DACH1: variants seen among roughly 807,000 people sequenced by gnomAD.
DACH1 encodes dachshund homolog 1.
In DACH1, 12 loss-of-function variants were observed where a neutral mutation model predicts 54.2. That is an observed-to-expected ratio of 0.22 (90% confidence interval 0.14 to 0.36). The LOEUF is 0.36. Among genes scored for constraint, DACH1 ranks in the 10% least tolerant of loss-of-function variants. The pLI, the probability that DACH1 is intolerant of heterozygous loss-of-function variation, is 1.00. For missense variants in DACH1, 805 were observed against 929.8 expected (o/e 0.87, Z 1.75); for synonymous variants, 386 against 366.2 (o/e 1.05, Z -0.62).
At chr13:71,804,534 T>C (rs530103520) in intron 1 of DACH1, among the ~76,000 whole-genome samples, 14 of 152,312 alleles carry the variant, frequency 9.2e-5, no homozygotes, top group African/African-American at 2.6e-4. Flanking sequence ...ACTTCTTTGC[T>C]TACCGTATTT....
chr13:71,617,291 G>A, intron 3 of DACH1, among the ~76,000 whole-genome samples: 1 of 152,120 alleles, frequency 6.6e-6, no homozygotes, highest in Non-Finnish European at 1.5e-5. Context: ...ACTGTCTACT[G>A]TATTACCTGT....
intron 1 of DACH1, among the ~76,000 whole-genome samples, chr13:71,713,904 A>T (rs1346989719): frequency 2.0e-5 from 3 of 152,064 alleles, no homozygotes; most frequent in Non-Finnish European, 4.4e-5. Flanking sequence ...GGTAGTTCAG[A>T]TTCAGCCTTT....
intron 1 of DACH1, among the ~76,000 whole-genome samples, chr13:71,822,096 C>A (rs529094603): frequency 2.6e-4 from 39 of 151,994 alleles, no homozygotes; most frequent in African/African-American, 8.7e-4. Context: ...CTGAAACCAG[C>A]AAAATTATAT....
At chr13:71,481,769 A>G (rs191850689) in intron 7 of DACH1, among the ~76,000 whole-genome samples, 3 of 152,320 alleles carry the variant, frequency 2.0e-5, no homozygotes, top group Admixed American at 6.5e-5. Context: ...TCAGTGCAGC[A>G]GGGGGCTGGG....
chr13:71,629,215 C>A (rs1236490888), intron 3 of DACH1, among the ~76,000 whole-genome samples: 1 of 152,088 alleles, frequency 6.6e-6, no homozygotes, highest in Non-Finnish European at 1.5e-5. Flanking sequence ...AAACAATCCT[C>A]ATCCCTCCCT....
chr13:71,844,004 C>T (rs985414006), intron 1 of DACH1, among the ~76,000 whole-genome samples: 3 of 152,104 alleles, frequency 2.0e-5, no homozygotes, highest in South Asian at 2.1e-4. Context: ...AGGACAAAGC[C>T]AGCCCATTAA....
intron 1 of DACH1, among the ~76,000 whole-genome samples, chr13:71,810,445 T>C (rs999358885): frequency 8.5e-5 from 13 of 152,146 alleles, no homozygotes; most frequent in African/African-American, 3.1e-4. Context: ...CTACAACAAA[T>C]CACTAGATTA....
chr13:71,687,417 A>G (rs1453867100), intron 1 of DACH1, among the ~76,000 whole-genome samples: 1 of 152,156 alleles, frequency 6.6e-6, no homozygotes, highest in African/African-American at 2.4e-5. Context: ...ACCTGCAGAT[A>G]TGGGCGTATC....
At chr13:71,664,340 C>T (rs1363094198) in intron 2 of DACH1, among the ~76,000 whole-genome samples, 1 of 151,890 alleles carries the variant, frequency 6.6e-6, no homozygotes, top group Non-Finnish European at 1.5e-5. Context: ...CAAGACTAAA[C>T]TTTTTGTGAA....
intron 2 of DACH1, among the ~76,000 whole-genome samples, chr13:71,647,985 A>G (rs551466747): frequency 6.6e-6 from 1 of 152,256 alleles, no homozygotes; most frequent in Non-Finnish European, 1.5e-5. Flanking sequence ...GTCCTTGTAC[A>G]GAAAAGTTTC....
At chr13:71,558,703 G>A (rs1237533288) in intron 5 of DACH1, among the ~76,000 whole-genome samples, 3 of 151,886 alleles carry the variant, frequency 2.0e-5, no homozygotes, top group Admixed American at 6.6e-5. Flanking sequence ...AAGGAAATAC[G>A]TTTCCGGCAG....
intron 1 of DACH1, among the ~76,000 whole-genome samples, chr13:71,732,447 T>C (rs1235066495): frequency 6.6e-6 from 1 of 151,768 alleles, no homozygotes; most frequent in Non-Finnish European, 1.5e-5. Flanking sequence ...TAGCTGGGTG[T>C]GGTGGTCGGT....
At chr13:71,838,009 A>C (rs187164455) in intron 1 of DACH1, among the ~76,000 whole-genome samples, 1 of 42,038 alleles carries the variant, frequency 2.4e-5, no homozygotes, top group Non-Finnish European at 4.2e-5. Flanking sequence ...TGTGGTGGGG[A>C]GGGGGGAGGG....
intron 1 of DACH1, among the ~76,000 whole-genome samples, chr13:71,709,180 A>G (rs572555515): frequency 2.6e-5 from 4 of 152,070 alleles, no homozygotes; most frequent in Admixed American, 2.6e-4. Flanking sequence ...TAACTTCTTC[A>G]TAGCCAAACT....
intron 10 of DACH1, among the ~76,000 whole-genome samples, chr13:71,470,391 C>T (rs1277761537): frequency 6.6e-6 from 1 of 151,578 alleles, no homozygotes; most frequent in Non-Finnish European, 1.5e-5. Flanking sequence ...TCACTGCAAC[C>T]TCTGCCTCAA....
rs772099803 is a variant in DACH1 at position 71,866,293 on chromosome 13, A to ACTGCTG, written c.471_476dup (p.Ser162_Ser163dup). On this transcript the variant is annotated inframe_insertion, in exon 1 of 11. Transcript: ENST00000613252. ...GGAGGGGGCCGCAGCTGCTGCTGCT[A>ACTGCTG]CTGCTGCTGCTGCTACTACTGCTGC... 1 of 1,565,616 alleles carries ACTGCTG rather than the reference A, an allele frequency of 6.4e-7. No individual in the cohort carries two copies. Among genetic ancestry groups the ACTGCTG allele is most frequent in the Non-Finnish European group, 8.7e-7 (1 of 1,154,848 alleles).
At chr13:71,760,985 T>G (rs1885379340) in intron 1 of DACH1, among the ~76,000 whole-genome samples, 1 of 152,144 alleles carries the variant, frequency 6.6e-6, no homozygotes, top group Non-Finnish European at 1.5e-5. Flanking sequence ...ATCACCAATG[T>G]TATCTTAAAT....
At chr13:71,834,173 AG>A (rs1888691889) in intron 1 of DACH1, among the ~76,000 whole-genome samples, 1 of 152,100 alleles carries the variant, frequency 6.6e-6, no homozygotes. Flanking sequence ...AAGTTACTTC[AG>A]CAGTCAGTGC....
intron 3 of DACH1, among the ~76,000 whole-genome samples, chr13:71,594,971 G>T (rs1025929634): frequency 6.6e-6 from 1 of 152,086 alleles, no homozygotes; most frequent in Non-Finnish European, 1.5e-5. Context: ...TTGTGTTAAG[G>T]GCTGTGGAGA....
Sources: gnomAD v4.1 joint callset for allele counts (sites outside exome capture counted in the v4.1 genomes callset) on GRCh38, gnomAD v4.1.1 for gene constraint, MANE v1.5 for transcripts, NCBI Gene and HGNC (gene_info 2026-07-23, HGNC 2026-07-21) for gene names.